The following MNDA variants were observed in gnomAD, a reference collection of about 807,000 sequenced individuals.
The protein encoded by MNDA is myeloid cell nuclear differentiation antigen.
A neutral mutation model predicts 37.8 loss-of-function variants in MNDA; 43 were observed. The observed-to-expected ratio is 1.14, with a 90% CI of 0.89 to 1.47. MNDA has a LOEUF of 1.47. Among genes scored for constraint, MNDA ranks in the 40% most tolerant of loss-of-function variants. The pLI is 0.00. For missense variants in MNDA, 536 were observed against 476.0 expected (o/e 1.13, Z -1.17); for synonymous variants, 181 against 169.0 (o/e 1.07, Z -0.55).
Position 158,845,635 on chromosome 1 carries a change from C to T in MNDA, c.619C>T (p.Pro207Ser), listed in dbSNP as rs2102051761. The T allele has an allele frequency of 1.2e-6, 2 of 1,613,726 alleles. No individual in the cohort carries two copies. The highest frequency in any genetic ancestry group is 1.7e-6 in the Non-Finnish European group (2 of 1,179,826). The change falls in exon 5 of 7, where the codon CCC (proline) becomes TCC (serine). Residue 207 changes from proline to serine, a missense_variant. Pro to Ser is a moderately conservative substitution (Grantham distance 74). Transcript: ENST00000368141. Reference protein sequence around the residue: ...QRQVDARRNVPQNDPVTVVVL... With the variant: ...QRQVDARRNVSQNDPVTVVVL... The stretch of plus-strand genomic sequence containing the variant: ...GCAGGTGGATGCAAGAAGAAATGTT[C>T]CCCAAAACGACCCAGTGACAGTGGT...
rs143450484 is a variant in MNDA, at chr1:158,845,640, A to G, written c.624A>G (p.Gln208=). 7 of 1,613,866 alleles carry G rather than the reference A, an allele frequency of 4.3e-6. No individual in the cohort carries two copies. Among genetic ancestry groups the G allele is most frequent in the South Asian group, 1.1e-5 (1 of 91,066 alleles). The change falls in exon 5 of 7, where the codon CAA becomes CAG. Residue 208 remains glutamine, a synonymous_variant. Coordinates refer to ENST00000368141, the MANE Select transcript of MNDA (RefSeq NM_002432.3). ...RQVDARRNVP[Q]NDPVTVVVLK... The stretch of plus-strand genomic sequence containing the variant: ...TGGATGCAAGAAGAAATGTTCCCCA[A>G]AACGACCCAGTGACAGTGGTGGTAC...
intron 1 of MNDA, among the ~76,000 whole-genome samples, chr1:158,832,536 G>A (rs1658824568): frequency 1.3e-5 from 2 of 151,432 alleles, no homozygotes; most frequent in South Asian, 2.1e-4. Flanking sequence ...TATATGTTAT[G>A]TGTGTGTTTA....
intron 1 of MNDA, among the ~76,000 whole-genome samples, chr1:158,839,846 T>A (rs190791815): frequency 3.1e-4 from 47 of 152,322 alleles, no homozygotes; most frequent in African/African-American, 1.1e-3. Flanking sequence ...TTATTTGGTG[T>A]TTCCATGGTA....
chr1:158,839,375 G>T (rs952870485), intron 1 of MNDA, among the ~76,000 whole-genome samples: 1 of 152,076 alleles, frequency 6.6e-6, no homozygotes, highest in African/African-American at 2.4e-5. Context: ...AGCCACACCT[G>T]CCTCTTTTCA....
chr1:158,846,965 A>G (rs1385755028), intron 5 of MNDA, among the ~76,000 whole-genome samples: 1 of 152,246 alleles, frequency 6.6e-6, no homozygotes. Flanking sequence ...TTGGAAAAGA[A>G]TAAGTAATGA....
intron 1 of MNDA, among the ~76,000 whole-genome samples, chr1:158,839,231 C>T (rs1240837700): frequency 6.6e-6 from 1 of 152,160 alleles, no homozygotes; most frequent in African/African-American, 2.4e-5. Context: ...GGAGGACTTT[C>T]ACTCTTCAGC....
At position 158,849,430 on chromosome 1, in the gene MNDA, C is replaced by CT. The variant is rs1306818173; in HGVS notation, c.*201dup. 8.1e-5 allele frequency: 39 copies of CT among 479,338 alleles called. No homozygotes were observed. The highest frequency in any genetic ancestry group is 1.2e-4 in the Admixed American group (3 of 24,414). The allele number at this position is 479,338 out of a possible 1,614,324, so 29.7% of individuals were successfully genotyped here. On this transcript the variant is annotated 3_prime_UTR_variant, in exon 7 of 7. Coordinates refer to ENST00000368141, the MANE Select transcript of MNDA (RefSeq NM_002432.3). The stretch of plus-strand genomic sequence containing the variant: ...ATAAAATTTTCTTCTTATACTCTTC[C>CT]TTTTTTTTAGATATTACATTTTGCT...
intron 1 of MNDA, among the ~76,000 whole-genome samples, chr1:158,832,515 A>C (rs1430237792): frequency 2.0e-5 from 3 of 151,658 alleles, no homozygotes; most frequent in African/African-American, 7.2e-5. Context: ...TAGAATATGT[A>C]TATCTAAGTA....
At chr1:158,842,678 T>C (rs1486758098) in intron 2 of MNDA, 3 of 299,874 alleles carry the variant, frequency 1.0e-5, no homozygotes, top group African/African-American at 2.2e-5. Context: ...GGTGAGTGTT[T>C]CAGTAAATCA....
chr1:158,844,097 C>T lies in MNDA; in HGVS notation c.545C>T (p.Thr182Ile), dbSNP rs150421488. The T allele has an allele frequency of 1.1e-5, 17 of 1,592,212 alleles. No individual in the cohort carries two copies. In the South Asian group the frequency reaches 1.6e-4, roughly 15 times the overall value. Residue 182 changes from threonine (T) to isoleucine (I), a missense_variant, in exon 4 of 7, where the codon ACT becomes ATT. Transcript: ENST00000368141. ...CCACTACCCCAGACCTCATCATCAA[C>T]TCCATCCAACACTTCGTTTACTCCG... is the stretch of plus-strand genomic sequence containing the variant. ...HPPLPQTSSS[T>I]PSNTSFTPNQ... is the part of the protein sequence containing the mutation.
At chr1:158,846,632 AT>A (rs1273571741) in intron 5 of MNDA, among the ~76,000 whole-genome samples, 1 of 152,202 alleles carries the variant, frequency 6.6e-6, no homozygotes, top group African/African-American at 2.4e-5. Flanking sequence ...CAAAAAAAAA[AT>A]AATTCCAAGG....
chr1:158,842,463 C>T (rs1215368291), intron 2 of MNDA, 45 bp downstream of exon 2: 1 of 1,561,060 alleles, frequency 6.4e-7, no homozygotes, highest in South Asian at 1.2e-5. Context: ...CTTGAGTCTC[C>T]CCAGTCTTCA....
intron 1 of MNDA, among the ~76,000 whole-genome samples, chr1:158,837,370 T>A (rs12410802): frequency 0.18 from 27,601 of 151,774 alleles, 2,630 homozygotes; most frequent in South Asian, 0.33. Flanking sequence ...AAATGTTTCA[T>A]ATATTAGGAG....
In MNDA at chr1:158,845,815, A is replaced by G. The variant is rs1659122392; in HGVS notation, c.799A>G (p.Thr267Ala). ...KEKFVRKKVI[T>A]ISDYSECKGV... Reference sequence around the variant, plus strand: ...GAAATTTGTAAGGAAGAAGGTCATTACCATATCTGATTACTCTGAATGTAA... The same window carrying G: ...GAAATTTGTAAGGAAGAAGGTCATTGCCATATCTGATTACTCTGAATGTAA... Residue 267 changes from threonine to alanine, a missense_variant, in exon 5 of 7, where the codon ACC becomes GCC. Physicochemically the swap from Thr to Ala is moderately conservative, Grantham distance 58. Transcript: ENST00000368141. 2.5e-6 allele frequency: 4 copies of G among 1,614,096 alleles called. No homozygotes were observed. Among genetic ancestry groups the G allele is most frequent in the Non-Finnish European group, 3.4e-6 (4 of 1,180,034 alleles).
intron 1 of MNDA, among the ~76,000 whole-genome samples, chr1:158,834,993 A>G (rs1035665076): frequency 7.9e-5 from 12 of 152,206 alleles, no homozygotes; most frequent in African/African-American, 2.4e-4. Flanking sequence ...CTTTATGCCA[A>G]TACCACACTG....
At chr1:158,843,844 A>T in intron 3 of MNDA, 111 bp from the exon 4 acceptor site, 1 of 930,194 alleles carries the variant, frequency 1.1e-6, no homozygotes, top group Non-Finnish European at 1.6e-6. Flanking sequence ...GTTTCCAAGG[A>T]CATCCCATCC....
In MNDA at chr1:158,832,302, G is replaced by A. The variant is rs556351363; in HGVS notation, c.-21+745G>A. On this transcript the variant is annotated intron_variant, in intron 1 of 6. Transcript: ENST00000368141. The stretch of plus-strand genomic sequence containing the variant: ...GAGTACTTGAGAAGAGTTTATAAAC[G>A]TTGGATTCCAAATTCTATTTAAGTA... Among the ~76,000 whole-genome samples the A allele has an allele frequency of 9.3e-4, 142 of 151,970 alleles. 2 individuals are homozygous for A. The highest frequency in any genetic ancestry group is 3.3e-3 in the African/African-American group (138 of 41,524).
intron 1 of MNDA, among the ~76,000 whole-genome samples, chr1:158,831,881 A>G (rs1658811585): frequency 6.6e-6 from 1 of 152,142 alleles, no homozygotes; most frequent in Non-Finnish European, 1.5e-5. Flanking sequence ...GTTTGGGCCT[A>G]AGTTAAAAGA....
At position 158,849,297 on chromosome 1, in the gene MNDA, C is replaced by T; in HGVS notation, c.*60C>T. The stretch of plus-strand genomic sequence containing the variant: ...CTTAAAACAATTAAGTTGTTAATAA[C>T]TGTGATTTTGTAAATTTCAGTAATT... On this transcript the variant is annotated 3_prime_UTR_variant, in exon 7 of 7. Coordinates refer to ENST00000368141, the MANE Select transcript of MNDA (RefSeq NM_002432.3). 1 of 1,465,008 alleles carries T rather than the reference C, an allele frequency of 6.8e-7. No individual in the cohort carries two copies. Among genetic ancestry groups the T allele is most frequent in the East Asian group, 2.3e-5 (1 of 43,636 alleles). The allele number at this position is 1,465,008 out of a possible 1,614,324, so 90.8% of individuals were successfully genotyped here.
Sources: gnomAD v4.1 joint callset for allele counts (sites outside exome capture counted in the v4.1 genomes callset) on GRCh38, gnomAD v4.1.1 for gene constraint, MANE v1.5 for transcripts, NCBI Gene and HGNC (gene_info 2026-07-23, HGNC 2026-07-21) for gene names.